NALCN: variants seen among roughly 807,000 people sequenced by gnomAD.
NALCN encodes sodium leak channel NALCN.
A neutral mutation model predicts 225.3 loss-of-function variants in NALCN; 111 were observed. The observed-to-expected ratio is 0.49, with a 90% CI of 0.42 to 0.58. The LOEUF is 0.58. Ranked by LOEUF, NALCN falls within the 20% of genes least tolerant of loss-of-function variation. NALCN has a pLI of 0.00. For missense variants in NALCN, 1,378 were observed against 2,202.4 expected (o/e 0.63, Z 7.49); for synonymous variants, 764 against 769.0 (o/e 0.99, Z 0.11).
intron 17 of NALCN, among the ~76,000 whole-genome samples, chr13:101,127,084 G>C (rs909101703): frequency 7.2e-5 from 11 of 152,172 alleles, no homozygotes; most frequent in Admixed American, 5.9e-4. Flanking sequence ...ATGAGAGTCT[G>C]AATCCAATCA....
chr13:101,164,373 C>G (rs1288675865), intron 15 of NALCN, among the ~76,000 whole-genome samples: 1 of 152,100 alleles, frequency 6.6e-6, no homozygotes, highest in Non-Finnish European at 1.5e-5. Flanking sequence ...CTCACTGCAG[C>G]CTTGACCTCC....
chr13:101,347,068 A>G (rs1385888958), intron 6 of NALCN, among the ~76,000 whole-genome samples: 2 of 151,930 alleles, frequency 1.3e-5, no homozygotes, highest in Non-Finnish European at 2.9e-5. Context: ...TGCTTTCTCT[A>G]AAGTCTGACA....
chr13:101,081,836 TA>T (rs2033669907), intron 33 of NALCN, among the ~76,000 whole-genome samples, 190 bp from the exon 34 acceptor site: 2 of 152,180 alleles, frequency 1.3e-5, no homozygotes, highest in South Asian at 4.1e-4. Context: ...GGTTTCCTTT[TA>T]GGCCACGTGC....
chr13:101,189,744 G>C (rs562867587), intron 14 of NALCN, among the ~76,000 whole-genome samples: 1 of 152,238 alleles, frequency 6.6e-6, no homozygotes, highest in African/African-American at 2.4e-5. Context: ...GTGAATAAAA[G>C]AACAAGTTAT....
intron 37 of NALCN, among the ~76,000 whole-genome samples, chr13:101,070,893 G>A (rs2032829267): frequency 6.6e-6 from 1 of 152,220 alleles, no homozygotes. Context: ...GTTCAGCAGG[G>A]ATTGGGAGGC....
chr13:101,065,639 A>G, intron 39 of NALCN, 78 bp from the exon 40 acceptor site: 2 of 1,452,452 alleles, frequency 1.4e-6, no homozygotes, highest in Non-Finnish European at 1.9e-6. Flanking sequence ...AAAAAAAAAA[A>G]GGTGCTATTT....
chr13:101,081,104 A>T (rs1398577562), intron 34 of NALCN, among the ~76,000 whole-genome samples: 1 of 152,252 alleles, frequency 6.6e-6, no homozygotes, highest in East Asian at 1.9e-4. Context: ...ATTATAACAA[A>T]GTGGAACAAA....
At position 101,191,916 on chromosome 13, in the gene NALCN, C is replaced by T. The variant is rs1290866655; in HGVS notation, c.1764+1G>A. ...AATTGAAAAAAAAATGCTGAACTCA[C>T]CAGAGTGGCAAAAAGATGATAGAGA... On this transcript the variant is annotated splice_donor_variant, in intron 14 of 43. Coordinates refer to ENST00000251127, the MANE Select transcript of NALCN (RefSeq NM_052867.4). LOFTEE classifies it high-confidence loss of function. 1.2e-6 allele frequency: 2 copies of T among 1,607,346 alleles called. No individual in the cohort carries two copies. Among genetic ancestry groups the T allele is most frequent in the Non-Finnish European group, 1.7e-6 (2 of 1,177,202 alleles).
At chr13:101,409,500 G>A (rs1385006641) in intron 1 of NALCN, among the ~76,000 whole-genome samples, 1 of 152,030 alleles carries the variant, frequency 6.6e-6, no homozygotes, top group Non-Finnish European at 1.5e-5. Context: ...CCTGTGCTGA[G>A]TATATATCCT....
intron 33 of NALCN, among the ~76,000 whole-genome samples, chr13:101,082,407 G>A (rs1436143789): frequency 6.6e-6 from 1 of 152,112 alleles, no homozygotes; most frequent in East Asian, 1.9e-4. Flanking sequence ...ATAAGAATCT[G>A]CTTGTATTTC....
intron 18 of NALCN, among the ~76,000 whole-genome samples, chr13:101,120,335 C>G (rs958810777): frequency 6.6e-6 from 1 of 152,066 alleles, no homozygotes; most frequent in African/African-American, 2.4e-5. Flanking sequence ...GTTAAACAGT[C>G]AGCAACTTCA....
intron 13 of NALCN, among the ~76,000 whole-genome samples, chr13:101,195,097 C>G (rs544285597): frequency 4.6e-5 from 7 of 152,196 alleles, no homozygotes; most frequent in African/African-American, 1.7e-4. Flanking sequence ...CAGAGAAGAG[C>G]CAATTTAGTC....
At position 101,322,945 on chromosome 13, in the gene NALCN, C is replaced by T. The variant is rs544422764; in HGVS notation, c.799+22321G>A. Among the ~76,000 whole-genome samples, 398 of 152,206 alleles carry T rather than the reference C, an allele frequency of 2.6e-3. 2 individuals carry two copies. The highest frequency in any genetic ancestry group is 8.7e-3 in the African/African-American group (360 of 41,542). On this transcript the variant is annotated intron_variant, in intron 7 of 43. Coordinates refer to ENST00000251127, the MANE Select transcript of NALCN (RefSeq NM_052867.4). The stretch of plus-strand genomic sequence containing the variant: ...CAGGCTGGTCTCAAACTTGTGACCT[C>T]AGGTGATACTGCCCGCCTTGGCCTC...
chr13:101,131,964 T>C (rs1280718142), intron 17 of NALCN, among the ~76,000 whole-genome samples: 1 of 152,050 alleles, frequency 6.6e-6, no homozygotes, highest in African/African-American at 2.4e-5. Flanking sequence ...ATTTCAATTA[T>C]GTTGATATTA....
At chr13:101,327,962 C>T (rs1355688060) in intron 7 of NALCN, among the ~76,000 whole-genome samples, 1 of 152,100 alleles carries the variant, frequency 6.6e-6, no homozygotes, top group Non-Finnish European at 1.5e-5. Context: ...AACTTTTCTG[C>T]TGTTGGAGAA....
chr13:101,180,919 C>T (rs973048735), intron 14 of NALCN: 25 of 397,862 alleles, frequency 6.3e-5, no homozygotes, highest in Admixed American at 4.1e-4. Flanking sequence ...AAAGCAGAAA[C>T]GTGAAAGAAA....
chr13:101,375,434 T>C (rs927882013), intron 6 of NALCN, among the ~76,000 whole-genome samples: 8 of 152,216 alleles, frequency 5.3e-5, no homozygotes, highest in Non-Finnish European at 1.2e-4. Flanking sequence ...ATTCACTTAT[T>C]TGTGGTTTAT....
rs766726240 is a variant in NALCN, at chr13:101,292,111, A to G, written c.943-17T>C. 1.1e-5 allele frequency: 17 copies of G among 1,613,510 alleles called. No individual in the cohort carries two copies. The East Asian group carries it at 3.8e-4, about 36-fold the overall frequency. On this transcript the variant is annotated splice_polypyrimidine_tract_variant and intron_variant, in intron 8 of 43. Transcript: ENST00000251127. The surrounding 1 kb of genome is among the most constrained non-coding windows in gnomAD (Gnocchi z 4.3). ...AAACACGTTCTGAAAAAAATCACAA[A>G]CCACATTTACCAAAGTCTAAGAATG...
intron 18 of NALCN, among the ~76,000 whole-genome samples, chr13:101,112,128 G>A (rs889030372): frequency 2.6e-5 from 4 of 151,124 alleles, no homozygotes; most frequent in Admixed American, 6.6e-5. Context: ...TACTTAACAC[G>A]ACTGAACTGT....
Sources: gnomAD v4.1 joint callset for allele counts (sites outside exome capture counted in the v4.1 genomes callset) on GRCh38, gnomAD v4.1.1 for gene constraint, Gnocchi (gnomAD v3.1) non-coding constraint, MANE v1.5 for transcripts, NCBI Gene and HGNC (gene_info 2026-07-23, HGNC 2026-07-21) for gene names.